Variants in OXNAD1 observed in about 807,000 individuals in gnomAD.
The protein encoded by OXNAD1 is oxidoreductase NAD-binding domain-containing protein 1.
In OXNAD1, 34 loss-of-function variants were observed where a neutral mutation model predicts 32.9. The observed-to-expected ratio is 1.03, with a 90% confidence interval of 0.79 to 1.38. The LOEUF (loss-of-function observed/expected upper bound fraction) is 1.38. Among genes scored for constraint, OXNAD1 ranks in the 40% most tolerant of loss-of-function variants. The pLI is 0.00. For synonymous variants in OXNAD1, 134 were observed against 135.2 expected, an observed-to-expected ratio of 0.99 and a Z score of 0.06; for missense variants, 407 against 379.4, an observed-to-expected ratio of 1.07 and a Z score of -0.60.
In OXNAD1 at chr3:16,324,912, A is replaced by G. The variant is rs556338780; in HGVS notation, c.*31-12200A>G. On this transcript the variant is annotated intron_variant, in intron 9 of 9. Coordinates refer to the OXNAD1 transcript ENST00000435829. Reference sequence around the variant, plus strand: ...GAGAAACCTCTGTACTATTTTCCATAATGGCTATATTAATTTACAATCCCA... The same window carrying G: ...GAGAAACCTCTGTACTATTTTCCATGATGGCTATATTAATTTACAATCCCA... 2.0e-5 allele frequency among the ~76,000 whole-genome samples: 3 copies of G among 152,050 alleles called. No homozygotes were observed. The South Asian group carries it at 6.2e-4, about 32-fold the overall frequency.
At chr3:16,306,179 T>G (rs1444328310), downstream of OXNAD1, 7 of 152,230 alleles carry the variant, frequency 4.6e-5, no homozygotes, top group Non-Finnish European at 1.0e-4. Flanking sequence ...GTCTGATATT[T>G]GTATCTTTCT....
At chr3:16,311,505 A>G (rs546851727) in intron 9 of OXNAD1, among the ~76,000 whole-genome samples, 1 of 152,332 alleles carries the variant, frequency 6.6e-6, no homozygotes, top group African/African-American at 2.4e-5. Flanking sequence ...AAACTCTGAA[A>G]ACTAATCCAT....
At chr3:16,331,547 A>G (rs1311743618) in intron 9 of OXNAD1, among the ~76,000 whole-genome samples, 2 of 151,726 alleles carry the variant, frequency 1.3e-5, no homozygotes, top group Non-Finnish European at 2.9e-5. Flanking sequence ...CATTTTTTTC[A>G]TCTTCCTGGT....
chr3:16,323,305 ATGC>A (rs2069293820), intron 9 of OXNAD1: 1 of 1,186,082 alleles, frequency 8.4e-7, no homozygotes, highest in Admixed American at 1.8e-5. Context: ...GCCCCCTCAA[ATGC>A]TGCAGAAAAT....
At chr3:16,333,768 A>C (rs1364224424) in intron 9 of OXNAD1, among the ~76,000 whole-genome samples, 1 of 152,216 alleles carries the variant, frequency 6.6e-6, no homozygotes, top group African/African-American at 2.4e-5. Context: ...AAAATCCAAT[A>C]ATCCAAATTT....
At chr3:16,318,985 A>C (rs561920998) in intron 9 of OXNAD1, among the ~76,000 whole-genome samples, 7 of 152,300 alleles carry the variant, frequency 4.6e-5, no homozygotes, top group African/African-American at 1.4e-4. Context: ...CCACCAGAGG[A>C]GGCCCCTGAT....
chr3:16,314,598 C>T lies in OXNAD1; in HGVS notation c.*30+11006C>T, dbSNP rs1232049671. The T allele has an allele frequency of 1.3e-5, 2 of 152,160 alleles. No individual in the cohort carries two copies. Among genetic ancestry groups the T allele is most frequent in the African/African-American group, 4.8e-5 (2 of 41,438 alleles). The allele number at this position is 152,160 out of a possible 1,614,324, so 9.4% of individuals were successfully genotyped here. A position where few individuals can be genotyped will look rare whatever the true frequency, so the allele number is the denominator to read the frequency against. On this transcript the variant is annotated intron_variant, in intron 9 of 9. Transcript: ENST00000435829. The surrounding 1 kb of genome is among the most constrained non-coding windows in gnomAD (Gnocchi z 4.4). ...CCCTCCACTGTAGACTGATTTTTGC[C>T]AGAATCAGCAGGGTGTAGAGAAGCA...
chr3:16,268,305 G>T (rs56332731), intron 1 of OXNAD1, among the ~76,000 whole-genome samples: 2 of 126,352 alleles, frequency 1.6e-5, no homozygotes, highest in African/African-American at 2.7e-5. Flanking sequence ...GGATTTTAAA[G>T]AGAACTCCTT....
intron 9 of OXNAD1, among the ~76,000 whole-genome samples, chr3:16,330,320 G>C (rs1340690791): frequency 6.6e-6 from 1 of 152,224 alleles, no homozygotes. Context: ...TTTTCCGTAA[G>C]CATCTATCAC....
chr3:16,273,017 G>A (rs2065062279), intron 4 of OXNAD1, among the ~76,000 whole-genome samples: 1 of 152,104 alleles, frequency 6.6e-6, no homozygotes, highest in South Asian at 2.1e-4. Flanking sequence ...ATTTTATAAT[G>A]TGAAAAGAGC....
rs987447759 is a variant in OXNAD1 at position 16,322,378 on chromosome 3, A to G, written c.*31-14734A>G. ...AGGGGCTGCTCCAATCTGTTCATTT[A>G]CTTGATGCTCCTTCCCAGGGCTCTG... On this transcript the variant is annotated intron_variant, in intron 9 of 9. Transcript: ENST00000435829. This position sits in a 1 kb window ranked among gnomAD's most constrained non-coding sequence, Gnocchi z 6.2. Among the ~76,000 whole-genome samples, 3 of 152,180 alleles carry G rather than the reference A, an allele frequency of 2.0e-5. No individual in the cohort carries two copies. Among genetic ancestry groups the G allele is most frequent in the Admixed American group, 2.0e-4 (3 of 15,280 alleles).
At position 16,288,444 on chromosome 3, in the gene OXNAD1, A is replaced by C. The variant is rs777483537; in HGVS notation, c.290+1996A>C. On this transcript the variant is annotated intron_variant, in intron 5 of 8. Coordinates refer to ENST00000285083, the MANE Select transcript of OXNAD1 (RefSeq NM_138381.5). This position sits in a 1 kb window ranked among gnomAD's most constrained non-coding sequence, Gnocchi z 5.1. ...CTCTGACACCTACCAAACTCTGAGA[A>C]TGAGGTTCCAGGCACAACTCTAACT... 6.6e-6 allele frequency among the ~76,000 whole-genome samples: 1 copy of C among 152,142 alleles called. No homozygotes were observed. The highest frequency in any genetic ancestry group is 1.5e-5 in the Non-Finnish European group (1 of 68,018).
downstream of OXNAD1, among the ~76,000 whole-genome samples, chr3:16,338,834 A>G (rs1283078295): frequency 1.3e-5 from 2 of 152,196 alleles, no homozygotes. This position sits in a 1 kb window ranked among gnomAD's most constrained non-coding sequence, Gnocchi z 5.3. Context: ...AAAGTTGTTT[A>G]TTTTGGAGTT....
rs539276632 is a variant in OXNAD1 at position 16,335,775 on chromosome 3, T to C, written c.*31-1337T>C. On this transcript the variant is annotated intron_variant, in intron 9 of 9. Coordinates refer to the OXNAD1 transcript ENST00000435829. This position sits in a 1 kb window ranked among gnomAD's most constrained non-coding sequence, Gnocchi z 4.7. Reference sequence around the variant, plus strand: ...TATCCTGCACTTGCACCCTGGAACTTTAAAAAAAAAAAAAAAAAAAGGAGT... The same window carrying C: ...TATCCTGCACTTGCACCCTGGAACTCTAAAAAAAAAAAAAAAAAAAGGAGT... Among the ~76,000 whole-genome samples the C allele has an allele frequency of 1.2e-4, 15 of 125,188 alleles. No individual in the cohort carries two copies. The highest frequency in any genetic ancestry group is 5.3e-4 in the Admixed American group (7 of 13,128). 82.1% of individuals were successfully genotyped at this position (125,188 alleles called of 152,430 possible).
chr3:16,312,444 C>T lies in OXNAD1; in HGVS notation c.*30+8852C>T, dbSNP rs914946936. ...TGTGGCAACAACTGGGAGTCAGTGC[C>T]GAGCTTCTCCTGGCCACACACACCA... On this transcript the variant is annotated intron_variant, in intron 9 of 9. Transcript: ENST00000435829. The surrounding 1 kb of genome is among the most constrained non-coding windows in gnomAD (Gnocchi z 4.7). Among the ~76,000 whole-genome samples the T allele has an allele frequency of 2.0e-5, 3 of 151,180 alleles. No individual in the cohort carries two copies. The highest frequency in any genetic ancestry group is 2.1e-4 in the South Asian group (1 of 4,826).
At position 16,301,942 on chromosome 3, in the gene OXNAD1, GT is replaced by G; in HGVS notation, c.675+78del. Reference sequence around the variant, plus strand: ...TTGTTCATGAAAGTTTTTTCTCTAGGTTTTGTTTTCTCTGCAAAGGTTCAAA... The same window carrying G: ...TTGTTCATGAAAGTTTTTTCTCTAGGTTTGTTTTCTCTGCAAAGGTTCAAA... On this transcript the variant is annotated intron_variant, in intron 7 of 8. Transcript: ENST00000285083. The surrounding 1 kb of genome is among the most constrained non-coding windows in gnomAD (Gnocchi z 4.1). 1 of 1,536,538 alleles carries G rather than the reference GT, an allele frequency of 6.5e-7. No individual in the cohort carries two copies.
In OXNAD1 at chr3:16,346,952, C is replaced by T. The variant is rs1449032163; in HGVS notation, c.*31-2224C>T. Among the ~76,000 whole-genome samples the T allele has an allele frequency of 6.6e-6, 1 of 152,180 alleles. No homozygotes were observed. Among genetic ancestry groups the T allele is most frequent in the African/African-American group, 2.4e-5 (1 of 41,428 alleles). On this transcript the variant is annotated intron_variant, in intron 9 of 9. Coordinates refer to the OXNAD1 transcript ENST00000606098. The surrounding 1 kb of genome is among the most constrained non-coding windows in gnomAD (Gnocchi z 4.4). ...CCCACCTTGCTCTAGACTTCCTGCT[C>T]AATGAGATGAGATGAACACCCCTAC... is the stretch of plus-strand genomic sequence containing the variant.
At chr3:16,333,950 G>A (rs1318161755) in intron 9 of OXNAD1, among the ~76,000 whole-genome samples, 2 of 152,204 alleles carry the variant, frequency 1.3e-5, no homozygotes, top group African/African-American at 4.8e-5. Context: ...TAGAGCACGA[G>A]GTCAGGAGAT....
intron 5 of OXNAD1, among the ~76,000 whole-genome samples, chr3:16,292,213 A>G (rs999207530): frequency 1.4e-5 from 2 of 144,978 alleles, no homozygotes; most frequent in Non-Finnish European, 3.0e-5. Flanking sequence ...TTTTTTTGAA[A>G]TGGAGTCTCA....
Sources: gnomAD v4.1 joint callset for allele counts (sites outside exome capture counted in the v4.1 genomes callset) on GRCh38, gnomAD v4.1.1 for gene constraint, Gnocchi (gnomAD v3.1) non-coding constraint, MANE v1.5 for transcripts, NCBI Gene and HGNC (gene_info 2026-07-23, HGNC 2026-07-21) for gene names.